Variants in SMIM9 observed in about 807,000 individuals in gnomAD.
SMIM9 encodes chromosome X open reading frame 68.
In SMIM9, 8 loss-of-function variants were observed where a neutral mutation model predicts 7.2. The ratio of observed to expected loss-of-function variants is 1.10; its 90% CI spans 0.65 to 1.99. The LOEUF (loss-of-function observed/expected upper bound fraction) is 1.99. Ranked by LOEUF, SMIM9 falls within the 30% of genes most tolerant of loss-of-function variation. SMIM9 has a pLI of 0.00. For missense variants in SMIM9, 76 were observed against 69.3 expected, an observed-to-expected ratio of 1.10 and a Z score of -0.34; for synonymous variants, 19 against 26.4, an observed-to-expected ratio of 0.72 and a Z score of 0.86.
intron 4 of SMIM9, among the ~76,000 whole-genome samples, chrX:154,825,407 AAGTC>A (rs2072416960): frequency 9.2e-6 from 1 of 108,985 alleles, no homozygotes; most frequent in Non-Finnish European, 1.9e-5. Flanking sequence ...AAAAAAAAAA[AAGTC>A]AGGAAACAAC....
intron 4 of SMIM9, among the ~76,000 whole-genome samples, chrX:154,824,343 G>A (rs1363448770): frequency 7.2e-5 from 5 of 69,582 alleles, no homozygotes; most frequent in African/African-American, 1.7e-4. Context: ...GCGACAGAGC[G>A]AGACTCCGTC....
At chrX:154,830,299 G>A (rs1385013743) in intron 3 of SMIM9, among the ~76,000 whole-genome samples, 1 of 112,115 alleles carries the variant, frequency 8.9e-6, no homozygotes, top group Non-Finnish European at 1.9e-5. Flanking sequence ...TGAATAGCAT[G>A]TGTGTGCATG....
intron 3 of SMIM9, 167 bp downstream of exon 3, chrX:154,830,548 G>A (rs946657238): frequency 2.7e-5 from 15 of 560,427 alleles, no homozygotes; most frequent in East Asian, 3.8e-5. Context: ...GGCTTGGTAC[G>A]TAGTAGGTAG....
Position 154,823,678 on chromosome X carries a change from A to T in SMIM9, c.*77T>A. 1 of 897,085 alleles carries T rather than the reference A, an allele frequency of 1.1e-6. No homozygotes were observed. Among genetic ancestry groups the T allele is most frequent in the Non-Finnish European group, 1.5e-6 (1 of 653,829 alleles). The allele number at this position is 897,085 out of a possible 1,213,427, so 73.9% of individuals were successfully genotyped here. ...CAACTGATAGATACTTCCTCATTTTAAGCAGATAGCAAATGCCCCACTCTT... is the reference window on the plus strand; with the variant it reads ...CAACTGATAGATACTTCCTCATTTTTAGCAGATAGCAAATGCCCCACTCTT... On this transcript the variant is annotated 3_prime_UTR_variant, in exon 5 of 5. Coordinates refer to ENST00000369529, the MANE Select transcript of SMIM9 (RefSeq NM_001162936.4).
chrX:154,829,442 CAGATATGCAGGCTG>C, intron 4 of SMIM9, 79 bp downstream of exon 4: 1 of 1,014,355 alleles, frequency 9.9e-7, no homozygotes, highest in African/African-American at 1.9e-5. Context: ...CCCTTAATTA[CAGATATGCAGGCTG>C]GTGAGCAACC....
chrX:154,830,843 T>G lies in SMIM9; in HGVS notation c.14A>C (p.Lys5Thr). 1 of 1,166,980 alleles carries G rather than the reference T, an allele frequency of 8.6e-7. No individual in the cohort carries two copies. Among genetic ancestry groups the G allele is most frequent in the South Asian group, 1.9e-5 (1 of 52,511 alleles). MEPQKLLIIGFLLCS... is the reference protein window; with the variant it reads MEPQTLLIIGFLLCS... ...TAGCAGAAATCCAATTATCAGCAGCTTCTGGGGTTCCATGGACTCCCGCCT... is the reference window on the plus strand; with the variant it reads ...TAGCAGAAATCCAATTATCAGCAGCGTCTGGGGTTCCATGGACTCCCGCCT... The change falls in exon 3 of 5, where the codon AAG (lysine) becomes ACG (threonine). Residue 5 changes from lysine to threonine, a missense_variant. Physicochemically the swap from Lys to Thr is moderately conservative, Grantham distance 78 (BLOSUM62 -1). Transcript: ENST00000369529.
intron 4 of SMIM9, among the ~76,000 whole-genome samples, chrX:154,824,741 C>A (rs1280044352): frequency 8.0e-5 from 9 of 112,230 alleles, no homozygotes; most frequent in African/African-American, 1.3e-4. Context: ...CTAAAAATTC[C>A]TTGTACACAT....
chrX:154,827,750 C>T (rs989729378), intron 4 of SMIM9, among the ~76,000 whole-genome samples: 1 of 112,209 alleles, frequency 8.9e-6, no homozygotes, highest in East Asian at 2.8e-4. Flanking sequence ...TTCACTTTTC[C>T]TTTCATACGT....
chrX:154,831,317 GACT>G (rs782499448), intron 2 of SMIM9, among the ~76,000 whole-genome samples: 149 of 111,691 alleles, frequency 1.3e-3, no homozygotes, highest in Non-Finnish European at 2.1e-3. Context: ...CTATGAATTT[GACT>G]ACTTTAGATA....
At chrX:154,825,190 C>T (rs782273231) in intron 4 of SMIM9, among the ~76,000 whole-genome samples, 17 of 111,230 alleles carry the variant, frequency 1.5e-4, no homozygotes, top group African/African-American at 5.6e-4. Context: ...GAGTTCAAGA[C>T]CAGCCTGACC....
At chrX:154,825,577 C>T (rs1415837285) in intron 4 of SMIM9, among the ~76,000 whole-genome samples, 3 of 110,314 alleles carry the variant, frequency 2.7e-5, no homozygotes, top group Non-Finnish European at 5.7e-5. Flanking sequence ...TGGGTATATA[C>T]CCAAATGATT....
intron 4 of SMIM9, among the ~76,000 whole-genome samples, chrX:154,824,222 T>C (rs1260267591): frequency 9.2e-6 from 1 of 108,620 alleles, no homozygotes; most frequent in East Asian, 2.9e-4. Flanking sequence ...CCTGGCGTGG[T>C]GGCGGGCGCC....
At chrX:154,833,140 G>C (rs782692018) in intron 1 of SMIM9, among the ~76,000 whole-genome samples, 16 of 111,790 alleles carry the variant, frequency 1.4e-4, no homozygotes, top group Non-Finnish European at 2.3e-4. Flanking sequence ...CTCTAAGCAT[G>C]TCATAAAACC....
chrX:154,825,391 CAAAA>C (rs35510627), intron 4 of SMIM9, among the ~76,000 whole-genome samples: 1 of 71,700 alleles, frequency 1.4e-5, no homozygotes. Context: ...GACTTCACCT[CAAAA>C]AAAAAAAAAA....
chrX:154,826,648 G>A (rs1311099246), intron 4 of SMIM9, among the ~76,000 whole-genome samples: 2 of 112,529 alleles, frequency 1.8e-5, no homozygotes, highest in African/African-American at 6.5e-5. Flanking sequence ...TATTTTTCTA[G>A]TGAGTATTCC....
chrX:154,830,541 T>C, intron 3 of SMIM9, 174 bp downstream of exon 3: 1 of 514,053 alleles, frequency 1.9e-6, no homozygotes, highest in Non-Finnish European at 3.1e-6. Context: ...AGAAAAGGGC[T>C]TGGTACGTAG....
intron 4 of SMIM9, among the ~76,000 whole-genome samples, chrX:154,824,219 T>C (rs1193829960): frequency 4.7e-4 from 51 of 108,294 alleles, no homozygotes; most frequent in African/African-American, 1.2e-3. Flanking sequence ...TAGCCTGGCG[T>C]GGTGGCGGGC....
Position 154,823,744 on chromosome X carries a change from C to T in SMIM9, c.*11G>A. 1.7e-6 allele frequency: 2 copies of T among 1,161,329 alleles called. No homozygotes were observed. Among genetic ancestry groups the T allele is most frequent in the Non-Finnish European group, 2.3e-6 (2 of 870,346 alleles). On this transcript the variant is annotated 3_prime_UTR_variant, in exon 5 of 5. Coordinates refer to ENST00000369529, the MANE Select transcript of SMIM9 (RefSeq NM_001162936.4). Reference sequence around the variant, plus strand: ...AGAGACCACACTTGCCCTGTTGAATCTTCTAGTTCTTCAGTGGACTGGATC... The same window carrying T: ...AGAGACCACACTTGCCCTGTTGAATTTTCTAGTTCTTCAGTGGACTGGATC...
intron 4 of SMIM9, among the ~76,000 whole-genome samples, chrX:154,825,855 C>G (rs782581763): frequency 3.2e-4 from 33 of 101,639 alleles, no homozygotes; most frequent in East Asian, 9.5e-4. Context: ...TCACTCATAG[C>G]TGGGAATTGA....
Sources: allele counts gnomAD v4.1 joint callset (sites outside exome capture counted in the v4.1 genomes callset), GRCh38; gene constraint gnomAD v4.1.1; transcripts MANE v1.5; gene names NCBI Gene and HGNC (gene_info 2026-07-23, HGNC 2026-07-21).